Variants in CDH10 observed in about 807,000 individuals in gnomAD.
CDH10 encodes cadherin 10.
A neutral mutation model predicts 73.1 loss-of-function variants in CDH10; 30 were observed. The observed-to-expected ratio is 0.41, with a 90% CI of 0.31 to 0.56. The LOEUF (loss-of-function observed/expected upper bound fraction) is 0.56, where lower values mean the gene tolerates loss of function less well. Ranked by LOEUF, CDH10 falls within the 20% of genes least tolerant of loss-of-function variation. The pLI is 0.27. For missense variants in CDH10, 815 were observed against 973.7 expected, an observed-to-expected ratio of 0.84 and a Z score of 2.17; for synonymous variants, 345 against 348.2, an observed-to-expected ratio of 0.99 and a Z score of 0.10.
At chr5:24,526,823 T>C (rs527568639) in intron 5 of CDH10, among the ~76,000 whole-genome samples, 1 of 151,986 alleles carries the variant, frequency 6.6e-6, no homozygotes, top group East Asian at 1.9e-4. Context: ...TGCAGCATTT[T>C]ATCTTTTTAT....
chr5:24,562,353 T>C (rs114000179), intron 2 of CDH10, among the ~76,000 whole-genome samples: 2,843 of 152,150 alleles, frequency 0.019, 94 homozygotes, highest in African/African-American at 0.065. Flanking sequence ...CCTTCTTTTA[T>C]TTTTATCAGC....
chr5:24,560,203 TGTGTGTGTG>T (rs760003549), intron 2 of CDH10, among the ~76,000 whole-genome samples: 61 of 1,280 alleles, frequency 0.048, no homozygotes, highest in Admixed American at 0.29. Context: ...TTTGCAATTG[TGTGTGTGTG>T]TGTGTGTGTG....
chr5:24,639,910 CAAT>C (rs1331722089), intron 1 of CDH10, among the ~76,000 whole-genome samples: 2 of 151,698 alleles, frequency 1.3e-5, no homozygotes, highest in Non-Finnish European at 3.0e-5. Flanking sequence ...GGAGTCATTT[CAAT>C]AATAAGTGCT....
In CDH10 at chr5:24,644,784, C is replaced by A. The variant is rs917245522; in HGVS notation, c.-314G>T. On this transcript the variant is annotated 5_prime_UTR_variant, in exon 1 of 12. Coordinates refer to ENST00000264463, the MANE Select transcript of CDH10 (RefSeq NM_006727.5). The stretch of plus-strand genomic sequence containing the variant: ...AGCAGGGAACCGAAGAAAACGGGGG[C>A]GAGCTCTCTCTGATTGGCTTTCATT... The A allele has an allele frequency of 6.8e-6, 1 of 146,052 alleles. No individual in the cohort carries two copies. Among genetic ancestry groups the A allele is most frequent in the Admixed American group, 7.1e-5 (1 of 14,080 alleles). The allele number at this position is 146,052 out of a possible 1,614,324, so 9.0% of individuals were successfully genotyped here. A position where few individuals can be genotyped will look rare whatever the true frequency, so the allele number is the denominator to read the frequency against.
chr5:24,509,760 A>G lies in CDH10; in HGVS notation c.1062T>C (p.His354=). ...CTAGGTAATAAAAACGGGGATCTAC[A>G]TGGGTGTTTTCTGCTTCGACTTTCA... is the stretch of plus-strand genomic sequence containing the variant. ...YTLKVEAENT[H]VDPRFYYLGP... Residue 354 remains histidine (H), a synonymous_variant, in exon 7 of 12, where the codon CAT becomes CAC. Coordinates refer to ENST00000264463, the MANE Select transcript of CDH10 (RefSeq NM_006727.5). 3 of 1,612,080 alleles carry G rather than the reference A, an allele frequency of 1.9e-6. No individual in the cohort carries two copies. The highest frequency in any genetic ancestry group is 2.5e-6 in the Non-Finnish European group (3 of 1,178,190).
At chr5:24,603,047 A>G (rs1262010701) in intron 1 of CDH10, among the ~76,000 whole-genome samples, 4 of 152,182 alleles carry the variant, frequency 2.6e-5, no homozygotes, top group African/African-American at 9.7e-5. Flanking sequence ...ATGAAACTCT[A>G]AAAACTAGAA....
rs1326947062 is a variant in CDH10 at position 24,637,997 on chromosome 5, A to G, written c.-124+6597T>C. ...AAAGTGATTAATTTCATTGCTCTTAAGTCAAGATTATGGTTGCCATTCATC... is the reference window on the plus strand; with the variant it reads ...AAAGTGATTAATTTCATTGCTCTTAGGTCAAGATTATGGTTGCCATTCATC... On this transcript the variant is annotated intron_variant, in intron 1 of 11. Transcript: ENST00000264463. Among the ~76,000 whole-genome samples, 31 of 151,838 alleles carry G rather than the reference A, an allele frequency of 2.0e-4. 1 individual carries two copies. The highest frequency in any genetic ancestry group is 2.0e-3 in the Admixed American group (31 of 15,190).
chr5:24,496,978 T>C (rs1263162565), intron 9 of CDH10, among the ~76,000 whole-genome samples: 1 of 152,130 alleles, frequency 6.6e-6, no homozygotes, highest in African/African-American at 2.4e-5. Context: ...CAACAAAAAA[T>C]ATTAATCATC....
chr5:24,540,929 T>A (rs1744130507), intron 2 of CDH10, among the ~76,000 whole-genome samples: 1 of 151,920 alleles, frequency 6.6e-6, no homozygotes, highest in Non-Finnish European at 1.5e-5. Flanking sequence ...ATGTGGATAA[T>A]CTAATTGTAC....
chr5:24,592,358 T>C (rs948053515), intron 2 of CDH10, among the ~76,000 whole-genome samples: 2 of 151,872 alleles, frequency 1.3e-5, no homozygotes, highest in Non-Finnish European at 2.9e-5. Context: ...TGTTAACATG[T>C]GATTTATGTT....
chr5:24,632,720 A>G (rs1207253893), intron 1 of CDH10, among the ~76,000 whole-genome samples: 7 of 151,932 alleles, frequency 4.6e-5, no homozygotes, highest in East Asian at 1.9e-4. Flanking sequence ...TTTGTATGCA[A>G]TTTTATAAAT....
intron 1 of CDH10, among the ~76,000 whole-genome samples, chr5:24,604,157 T>A (rs1015110272): frequency 2.6e-5 from 4 of 152,130 alleles, no homozygotes; most frequent in Non-Finnish European, 4.4e-5. Flanking sequence ...AAGACCAGCC[T>A]GTGCAACATA....
chr5:24,560,200 T>TTGTG (rs70965615), intron 2 of CDH10, among the ~76,000 whole-genome samples: 2 of 148,246 alleles, frequency 1.3e-5, no homozygotes, highest in African/African-American at 5.1e-5. Flanking sequence ...ATATTTGCAA[T>TTGTG]TGTGTGTGTG....
chr5:24,550,672 T>G (rs928204194), intron 2 of CDH10, among the ~76,000 whole-genome samples: 1 of 152,152 alleles, frequency 6.6e-6, no homozygotes, highest in Non-Finnish European at 1.5e-5. Context: ...AGAATACTTG[T>G]CCTTAACAGA....
intron 1 of CDH10, chr5:24,609,885 TCA>T (rs1561194707): frequency 6.6e-6 from 1 of 152,296 alleles, no homozygotes; most frequent in East Asian, 1.9e-4. Flanking sequence ...ATCGTGCTGC[TCA>T]CTGCCTGTCG....
chr5:24,515,208 T>G (rs533411748), intron 5 of CDH10, among the ~76,000 whole-genome samples: 1 of 152,264 alleles, frequency 6.6e-6, no homozygotes, highest in Non-Finnish European at 1.5e-5. Context: ...GGAAAATTCC[T>G]AAAAATAATT....
chr5:24,598,222 T>C (rs1338386955), intron 1 of CDH10, among the ~76,000 whole-genome samples: 2 of 152,106 alleles, frequency 1.3e-5, no homozygotes, highest in Non-Finnish European at 2.9e-5. Flanking sequence ...AATCAAAGCA[T>C]TACACTAAGG....
chr5:24,546,181 T>G (rs930511105), intron 2 of CDH10, among the ~76,000 whole-genome samples: 1 of 149,604 alleles, frequency 6.7e-6, no homozygotes, highest in Non-Finnish European at 1.5e-5. Flanking sequence ...TTGAAAAAAC[T>G]TGTGTGTGTG....
chr5:24,496,314 T>C (rs546134264), intron 9 of CDH10, among the ~76,000 whole-genome samples: 4 of 152,252 alleles, frequency 2.6e-5, no homozygotes, highest in African/African-American at 9.6e-5. Context: ...TATATTTTAT[T>C]GACTCCAGGA....
Sources: gnomAD v4.1 joint callset for allele counts (sites outside exome capture counted in the v4.1 genomes callset) on GRCh38, gnomAD v4.1.1 for gene constraint, MANE v1.5 for transcripts, NCBI Gene and HGNC (gene_info 2026-07-23, HGNC 2026-07-21) for gene names.